The following SGTB variants were observed in gnomAD, a reference collection of about 807,000 sequenced individuals.
SGTB encodes the protein small glutamine rich tetratricopeptide repeat co-chaperone beta.
A neutral mutation model predicts 43.9 loss-of-function variants in SGTB; 19 were observed. The ratio of observed to expected loss-of-function variants is 0.43; its 90% CI spans 0.30 to 0.63. The LOEUF is 0.63. Ranked by LOEUF, SGTB falls within the 30% of genes least tolerant of loss-of-function variation. SGTB has a pLI of 0.12. For synonymous variants in SGTB, 116 were observed against 117.3 expected (o/e 0.99, Z 0.07); for missense variants, 304 against 358.9 (o/e 0.85, Z 1.24).
intron 2 of SGTB, among the ~76,000 whole-genome samples, chr5:65,718,696 CAT>C (rs1758196196): frequency 6.6e-6 from 1 of 152,156 alleles, no homozygotes; most frequent in Non-Finnish European, 1.5e-5. Flanking sequence ...GACACCTCCA[CAT>C]GATTTCATGT....
intron 5 of SGTB, among the ~76,000 whole-genome samples, chr5:65,702,375 C>A (rs1757842091): frequency 6.6e-6 from 1 of 152,166 alleles, no homozygotes; most frequent in Non-Finnish European, 1.5e-5. Flanking sequence ...AATTAAAAAG[C>A]AGAAAGAAAT....
Position 65,671,983 on chromosome 5 carries a change from C to T in SGTB, c.735G>A (p.Met245Ile). 5 of 1,613,958 alleles carry T rather than the reference C, an allele frequency of 3.1e-6. No homozygotes were observed. Among genetic ancestry groups the T allele is most frequent in the African/African-American group, 1.3e-5 (1 of 75,030 alleles). The change falls in exon 10 of 11, where the codon ATG (methionine) becomes ATA (isoleucine). Residue 245 changes from methionine (M) to isoleucine (I), a missense_variant. By Grantham distance (10) the Met-to-Ile change is conservative. Coordinates refer to ENST00000381007, the MANE Select transcript of SGTB (RefSeq NM_019072.3). ...PQVQQLMSGM[M>I]TNAIGGPAAG... ...CAGCAGGTCCCCCAATGGCATTTGT[C>T]ATCATTCCTGACATTCTAGAGTACA...
chr5:65,710,495 T>C (rs1455494841), intron 3 of SGTB, among the ~76,000 whole-genome samples: 1 of 152,062 alleles, frequency 6.6e-6, no homozygotes, highest in Non-Finnish European at 1.5e-5. Flanking sequence ...ACTTGATATA[T>C]AAACATAATT....
At chr5:65,697,536 G>A (rs1757736266) in intron 5 of SGTB, among the ~76,000 whole-genome samples, 1 of 152,154 alleles carries the variant, frequency 6.6e-6, no homozygotes, top group Non-Finnish European at 1.5e-5. Context: ...GACTGCATAT[G>A]TTAAAACACT....
chr5:65,676,752 G>T (rs1241358387), intron 8 of SGTB, among the ~76,000 whole-genome samples: 2 of 152,068 alleles, frequency 1.3e-5, no homozygotes, highest in Admixed American at 1.3e-4. Context: ...TCTTGAATGA[G>T]AAGAATGAAC....
intron 5 of SGTB, among the ~76,000 whole-genome samples, chr5:65,689,450 A>G (rs918529296): frequency 2.6e-5 from 4 of 152,156 alleles, no homozygotes; most frequent in African/African-American, 9.6e-5. Flanking sequence ...TTTCAACTCA[A>G]AGTTTCCATA....
intron 8 of SGTB, among the ~76,000 whole-genome samples, chr5:65,673,662 T>TC (rs1324433742): frequency 1.9e-4 from 3 of 16,098 alleles, no homozygotes; most frequent in Non-Finnish European, 3.6e-4. Flanking sequence ...TATAGGGCTA[T>TC]TTTTTTTTTT....
chr5:65,680,434 C>T, intron 8 of SGTB, 60 bp downstream of exon 8: 1 of 1,568,502 alleles, frequency 6.4e-7, no homozygotes, highest in Admixed American at 1.8e-5. Context: ...AAAAAAATTG[C>T]ATAGCTACAT....
At chr5:65,686,494 T>C (rs112314) in intron 5 of SGTB, among the ~76,000 whole-genome samples, 96,312 of 151,404 alleles carry the variant, frequency 0.64, 30,970 homozygotes, top group African/African-American at 0.68. Context: ...TTTGCTACCT[T>C]TATTCTCTCT....
chr5:65,686,122 AAAG>A (rs147242224), intron 5 of SGTB, among the ~76,000 whole-genome samples: 3,436 of 152,332 alleles, frequency 0.023, 124 homozygotes, highest in African/African-American at 0.077. Context: ...GAGAAACAGG[AAAG>A]AAGAGAAGCT....
intron 5 of SGTB, among the ~76,000 whole-genome samples, chr5:65,694,890 T>C (rs981516743): frequency 1.1e-4 from 16 of 152,038 alleles, no homozygotes; most frequent in African/African-American, 3.6e-4. Flanking sequence ...GACATGTGCA[T>C]AGGTAGTAGA....
intron 5 of SGTB, among the ~76,000 whole-genome samples, chr5:65,692,769 T>C (rs185372118): frequency 8.1e-4 from 124 of 152,348 alleles, no homozygotes; most frequent in Non-Finnish European, 1.3e-3. Flanking sequence ...ACTAATTTTC[T>C]TACATGTAAA....
rs2150698763 is a variant in SGTB at position 65,666,869 on chromosome 5, TTG to T, written c.*3375_*3376del. On this transcript the variant is annotated 3_prime_UTR_variant, in exon 11 of 11. Transcript: ENST00000381007. ...CTACAGATGTTAGCACATGAAGACATTGTTTTAAAGTTTTTTTTCTTATAGTA... is the reference window on the plus strand; with the variant it reads ...CTACAGATGTTAGCACATGAAGACATTTTTAAAGTTTTTTTTCTTATAGTA... 6.6e-6 allele frequency: 1 copy of T among 152,296 alleles called. No individual in the cohort carries two copies. The highest frequency in any genetic ancestry group is 1.5e-5 in the Non-Finnish European group (1 of 67,994). 9.4% of individuals were successfully genotyped at this position (152,296 alleles called of 1,614,324 possible). A position where few individuals can be genotyped will look rare whatever the true frequency, so the allele number is the denominator to read the frequency against.
intron 8 of SGTB, among the ~76,000 whole-genome samples, chr5:65,679,568 G>A (rs1032438021): frequency 2.0e-5 from 3 of 152,098 alleles, no homozygotes; most frequent in Non-Finnish European, 2.9e-5. Context: ...AGTGAGCCAA[G>A]ATCACACCAT....
At chr5:65,680,090 A>G (rs576934281) in intron 8 of SGTB, among the ~76,000 whole-genome samples, 1 of 152,298 alleles carries the variant, frequency 6.6e-6, no homozygotes, top group Admixed American at 6.5e-5. Context: ...CAAATAACAC[A>G]TGTTCTCACT....
At chr5:65,722,265 C>T, upstream of SGTB, 1 of 810,654 alleles carries the variant, frequency 1.2e-6, no homozygotes, top group Non-Finnish European at 1.8e-6. Flanking sequence ...ACTGTGGCCT[C>T]TGCGGCTAGG....
At position 65,671,421 on chromosome 5, in the gene SGTB, A is replaced by C. The variant is rs189718140; in HGVS notation, c.803+494T>G. ...TTTCATGCTGACAACACAATCAAGT[A>C]AAATTAGGCTGCAAATGAAAAGACT... On this transcript the variant is annotated intron_variant, in intron 10 of 10. Transcript: ENST00000381007. Among the ~76,000 whole-genome samples the C allele has an allele frequency of 1.6e-4, 24 of 152,302 alleles. 1 individual carries two copies. In the East Asian group the frequency reaches 3.7e-3, roughly 23 times the overall value.
intron 5 of SGTB, among the ~76,000 whole-genome samples, chr5:65,693,873 T>C (rs1757665761): frequency 6.6e-6 from 1 of 152,180 alleles, no homozygotes; most frequent in East Asian, 1.9e-4. Flanking sequence ...TATGCCAAGC[T>C]GTCTAACAGA....
At chr5:65,701,827 G>T (rs1434921741) in intron 5 of SGTB, among the ~76,000 whole-genome samples, 1 of 152,060 alleles carries the variant, frequency 6.6e-6, no homozygotes, top group East Asian at 1.9e-4. Context: ...TAGAGACAGG[G>T]TTTCACTGTG....
Sources: allele counts gnomAD v4.1 joint callset (sites outside exome capture counted in the v4.1 genomes callset), GRCh38; gene constraint gnomAD v4.1.1; transcripts MANE v1.5; gene names NCBI Gene and HGNC (gene_info 2026-07-23, HGNC 2026-07-21).